Variants in LYRM4 observed in about 807,000 individuals in gnomAD.
The protein encoded by LYRM4 is LYR motif-containing protein 4.
In LYRM4, 9 loss-of-function variants were observed where a neutral mutation model predicts 11.7. That is an observed-to-expected ratio of 0.77 (90% CI 0.46 to 1.34). LYRM4 has a LOEUF of 1.34. Ranked by LOEUF, LYRM4 falls within the 40% of genes most tolerant of loss-of-function variation. LYRM4 has a pLI of 0.00. For synonymous variants in LYRM4, 42 were observed against 40.4 expected, an observed-to-expected ratio of 1.04 and a Z score of -0.15; for missense variants, 133 against 112.5, an observed-to-expected ratio of 1.18 and a Z score of -0.82.
intron 1 of LYRM4, among the ~76,000 whole-genome samples, chr6:5,242,567 A>G (rs1763945963): frequency 1.3e-5 from 2 of 151,088 alleles, no homozygotes; most frequent in Non-Finnish European, 2.9e-5. Flanking sequence ...TTAAAAATAC[A>G]AAATTGGCCA....
intron 1 of LYRM4, among the ~76,000 whole-genome samples, chr6:5,219,258 A>C (rs1239652271): frequency 2.0e-5 from 3 of 152,218 alleles, no homozygotes; most frequent in Non-Finnish European, 1.5e-5. Context: ...TCAACAATTT[A>C]TATCAACTGA....
chr6:5,086,566 T>A, the LYRM4 span: 1 of 1,505,458 alleles, frequency 6.6e-7, no homozygotes, highest in Non-Finnish European at 8.9e-7. Context: ...GCTCTGAGCC[T>A]GGAGAGTTTC....
At chr6:5,203,952 A>G (rs1349431513) in intron 2 of LYRM4, among the ~76,000 whole-genome samples, 1 of 152,250 alleles carries the variant, frequency 6.6e-6, no homozygotes, top group African/African-American at 2.4e-5. Context: ...ATGAGGCTGC[A>G]GCTGTCTCTT....
At chr6:5,121,086 T>A (rs966472335) in intron 2 of LYRM4, among the ~76,000 whole-genome samples, 6 of 152,150 alleles carry the variant, frequency 3.9e-5, no homozygotes, top group Non-Finnish European at 7.4e-5. Flanking sequence ...ATTTTTTGAG[T>A]ATTACCTGGT....
chr6:5,180,695 T>C (rs1420724932), intron 2 of LYRM4, among the ~76,000 whole-genome samples: 1 of 152,212 alleles, frequency 6.6e-6, no homozygotes, highest in Non-Finnish European at 1.5e-5. Flanking sequence ...TCTGCCAGCG[T>C]GGACCTGGTG....
intron 2 of LYRM4, among the ~76,000 whole-genome samples, chr6:5,111,520 A>G (rs151299356): frequency 1.8e-3 from 276 of 152,312 alleles, no homozygotes; most frequent in African/African-American, 6.5e-3. Context: ...CCCCGTGAGG[A>G]GCAGAAAGTG....
Position 5,191,727 on chromosome 6 carries a change from T to C in LYRM4, c.207+24891A>G, listed in dbSNP as rs190071358. On this transcript the variant is annotated intron_variant, in intron 2 of 2. Transcript: ENST00000330636. ...CTGAAAACCACTGAGTGAAAGGTTG[T>C]TGGGGAACAGATTTATTAATTACAA... Among the ~76,000 whole-genome samples the C allele has an allele frequency of 7.2e-4, 109 of 152,298 alleles. 1 individual carries two copies. Among genetic ancestry groups the C allele is most frequent in the Non-Finnish European group, 1.2e-3 (85 of 68,014 alleles).
the LYRM4 span, chr6:5,085,542 A>T: frequency 1.3e-6 from 2 of 1,540,266 alleles, no homozygotes; most frequent in Non-Finnish European, 1.7e-6. Flanking sequence ...CGCCCTTCCG[A>T]GAGGCCCCGC....
chr6:5,150,155 C>T (rs773168981), intron 2 of LYRM4, among the ~76,000 whole-genome samples: 1 of 152,172 alleles, frequency 6.6e-6, no homozygotes, highest in Non-Finnish European at 1.5e-5. Context: ...AAGCTCAATA[C>T]GTAAGCTTTG....
At chr6:5,069,629 C>A in the LYRM4 span, among the ~76,000 whole-genome samples, 2 of 152,088 alleles carry the variant, frequency 1.3e-5, no homozygotes, top group African/African-American at 4.8e-5. Context: ...TATAGGCATG[C>A]GCCACCACGC....
At chr6:5,254,891 G>A (rs1764596394) in intron 1 of LYRM4, among the ~76,000 whole-genome samples, 1 of 152,072 alleles carries the variant, frequency 6.6e-6, no homozygotes, top group Non-Finnish European at 1.5e-5. Flanking sequence ...AAATTCCGGT[G>A]GGAGGTGGAG....
chr6:5,125,382 C>T (rs571100418), intron 2 of LYRM4, among the ~76,000 whole-genome samples: 7 of 152,302 alleles, frequency 4.6e-5, no homozygotes, highest in South Asian at 2.1e-4. Context: ...TCTAGGCAGC[C>T]GGGATGGAGC....
At chr6:5,136,927 A>AAAT in intron 2 of LYRM4, 1 of 709,644 alleles carries the variant, frequency 1.4e-6, no homozygotes, top group Non-Finnish European at 1.7e-6. Flanking sequence ...TGCATCCATT[A>AAAT]CCACAATCAA....
At chr6:5,055,838 C>A in the LYRM4 span, among the ~76,000 whole-genome samples, 1 of 152,244 alleles carries the variant, frequency 6.6e-6, no homozygotes, top group East Asian at 1.9e-4. The surrounding 1 kb of genome is among the most constrained non-coding windows in gnomAD (Gnocchi z 4.5). Flanking sequence ...ACCAACATAA[C>A]CTTGAAACAG....
chr6:5,096,332 A>T, the LYRM4 span, among the ~76,000 whole-genome samples: 2 of 152,104 alleles, frequency 1.3e-5, no homozygotes, highest in African/African-American at 4.8e-5. Flanking sequence ...TCTACAAAAA[A>T]TTTAAAAATT....
chr6:5,174,206 A>G (rs1279796873), intron 2 of LYRM4, among the ~76,000 whole-genome samples: 1 of 152,130 alleles, frequency 6.6e-6, no homozygotes, highest in Non-Finnish European at 1.5e-5. Context: ...AGTCTTTCAC[A>G]ATCAGCTGTT....
the LYRM4 span, chr6:5,065,704 T>G: frequency 6.1e-6 from 1 of 165,092 alleles, no homozygotes; most frequent in South Asian, 1.7e-4. Flanking sequence ...ACAGTTATCT[T>G]CTGCTGAAAG....
the LYRM4 span, chr6:5,086,061 G>A: frequency 6.8e-7 from 1 of 1,475,662 alleles, no homozygotes; most frequent in Non-Finnish European, 8.9e-7. Flanking sequence ...CCCTTTCAGC[G>A]CCGCCTTCCC....
chr6:5,077,284 C>G, the LYRM4 span, among the ~76,000 whole-genome samples: 384 of 152,368 alleles, frequency 2.5e-3, 2 homozygotes, highest in South Asian at 0.016. Context: ...TCAAAGAAAA[C>G]TGTCACACGC....
Sources: allele counts gnomAD v4.1 joint callset (sites outside exome capture counted in the v4.1 genomes callset), GRCh38; gene constraint gnomAD v4.1.1; non-coding constraint Gnocchi (gnomAD v3.1); transcripts MANE v1.5; gene names NCBI Gene and HGNC (gene_info 2026-07-23, HGNC 2026-07-21).